The following PPP1R9A variants were observed in gnomAD, a reference collection of about 807,000 sequenced individuals.
The protein encoded by PPP1R9A is neurabin-1.
A neutral mutation model predicts 141.9 loss-of-function variants in PPP1R9A; 59 were observed. The ratio of observed to expected loss-of-function variants is 0.42; its 90% confidence interval spans 0.34 to 0.52. The LOEUF is 0.52. Ranked by LOEUF, PPP1R9A falls within the 20% of genes least tolerant of loss-of-function variation. PPP1R9A has a pLI of 0.10. For missense variants in PPP1R9A, 1,444 were observed against 1,611.9 expected (o/e 0.90, Z 1.78); for synonymous variants, 500 against 569.7 (o/e 0.88, Z 1.74).
At chr7:95,107,459 C>G (rs1466247919) in intron 2 of PPP1R9A, among the ~76,000 whole-genome samples, 2 of 151,958 alleles carry the variant, frequency 1.3e-5, no homozygotes, top group African/African-American at 4.8e-5. Flanking sequence ...TTCTTTCTAA[C>G]CTGTTAGCTA....
At position 95,250,087 on chromosome 7, in the gene PPP1R9A, A is replaced by G. The variant is rs752473721; in HGVS notation, c.2228A>G (p.Asn743Ser). ...WELEKTQLQQ[N>S]IEENKERMLK... is the part of the protein sequence containing the mutation. ...CTAGAAAAAACCCAACTCCAACAAA[A>G]CATAGAAGAGAATAAGGAAAGAATG... is the stretch of plus-strand genomic sequence containing the variant. The change falls in exon 10 of 20, where the codon AAC becomes AGC. Residue 743 changes from asparagine (N) to serine (S), a missense_variant. By Grantham distance (46) the Asn-to-Ser change is conservative. Coordinates refer to ENST00000433360, the MANE Select transcript of PPP1R9A (RefSeq NM_001166160.2). 3.7e-6 allele frequency: 6 copies of G among 1,613,586 alleles called. No individual in the cohort carries two copies. Among genetic ancestry groups the G allele is most frequent in the Non-Finnish European group, 4.2e-6 (5 of 1,179,842 alleles).
chr7:95,286,344 G>C lies in PPP1R9A; in HGVS notation c.3729+19G>C. 6.2e-7 allele frequency: 1 copy of C among 1,610,826 alleles called. No homozygotes were observed. Among genetic ancestry groups the C allele is most frequent in the Non-Finnish European group, 8.5e-7 (1 of 1,178,586 alleles). On this transcript the variant is annotated intron_variant, in intron 18 of 19. Coordinates refer to ENST00000433360, the MANE Select transcript of PPP1R9A (RefSeq NM_001166160.2). ...AGATGAGGTAATTCCATGGCACTAT[G>C]ACAGAGCTGCTTTGTCAAATCTGAC...
Position 94,911,288 on chromosome 7 carries a change from G to A in PPP1R9A, c.1175G>A (p.Gly392Asp). 6.2e-7 allele frequency: 1 copy of A among 1,614,116 alleles called. No individual in the cohort carries two copies. The highest frequency in any genetic ancestry group is 1.7e-5 in the Admixed American group (1 of 60,022). The change falls in exon 2 of 20, where the codon GGT becomes GAT. Residue 392 changes from glycine (G) to aspartate (D), a missense_variant. Physicochemically the swap from Gly to Asp is moderately conservative, Grantham distance 94 (BLOSUM62 -1). This residue lies in a region of PPP1R9A where 490 missense variants were observed against 521.1 expected (regional missense o/e 0.94). Coordinates refer to ENST00000433360, the MANE Select transcript of PPP1R9A (RefSeq NM_001166160.2). ...CCTGAAGATTCAAATAATTTTGATG[G>A]TTCCCATGTGTACATGCACAGTGAC... Reference protein sequence around the residue: ...EVPEDSNNFDGSHVYMHSDYN... With the variant: ...EVPEDSNNFDDSHVYMHSDYN...
intron 16 of PPP1R9A, among the ~76,000 whole-genome samples, chr7:95,274,556 T>C (rs1425228776): frequency 6.6e-6 from 1 of 152,218 alleles, no homozygotes; most frequent in Non-Finnish European, 1.5e-5. Flanking sequence ...TCATTTTGCA[T>C]TTAAGTACCT....
intron 4 of PPP1R9A, among the ~76,000 whole-genome samples, chr7:95,136,970 G>A (rs114619452): frequency 0.01 from 1,588 of 152,204 alleles, 25 homozygotes; most frequent in African/African-American, 0.037. Context: ...AGCTTGGATA[G>A]GCAGGTGACT....
At chr7:94,949,250 G>A (rs1414470286) in intron 2 of PPP1R9A, among the ~76,000 whole-genome samples, 1 of 152,104 alleles carries the variant, frequency 6.6e-6, no homozygotes, top group Non-Finnish European at 1.5e-5. Flanking sequence ...GAGTTGAAAT[G>A]TCAGTTTTCT....
intron 2 of PPP1R9A, among the ~76,000 whole-genome samples, chr7:94,935,115 C>T (rs936210569): frequency 4.6e-5 from 7 of 152,226 alleles, no homozygotes; most frequent in African/African-American, 1.2e-4. Context: ...TTAAGACATA[C>T]GAATTTTATG....
chr7:95,072,828 TA>T (rs1448774940), intron 2 of PPP1R9A, among the ~76,000 whole-genome samples: 13 of 62,982 alleles, frequency 2.1e-4, no homozygotes, highest in African/African-American at 1.1e-3. Context: ...AATTATTATA[TA>T]TATAATAATT....
rs1027672414 is a variant in PPP1R9A, at chr7:95,186,505, A to G, written c.1755-11844A>G. On this transcript the variant is annotated intron_variant, in intron 5 of 19. Transcript: ENST00000433360. ...CTCTTTACCAATTTGGATACCCTTT[A>G]TTTATTTCTTTTGTCTGATTGCTAT... is the stretch of plus-strand genomic sequence containing the variant. Among the ~76,000 whole-genome samples, 6 of 152,058 alleles carry G rather than the reference A, an allele frequency of 3.9e-5. No individual in the cohort carries two copies. The East Asian group carries it at 1.2e-3, about 29-fold the overall frequency.
intron 2 of PPP1R9A, among the ~76,000 whole-genome samples, chr7:94,965,087 T>C (rs1330150437): frequency 6.7e-6 from 1 of 150,158 alleles, no homozygotes; most frequent in African/African-American, 2.4e-5. Flanking sequence ...GATGATGAGC[T>C]TATGTTTGTT....
chr7:95,158,849 A>C (rs1289552895), intron 4 of PPP1R9A, among the ~76,000 whole-genome samples: 3 of 152,224 alleles, frequency 2.0e-5, no homozygotes. Flanking sequence ...AAAAATGTTT[A>C]CCCGCACTAG....
chr7:95,203,526 A>C, intron 6 of PPP1R9A, 139 bp from the exon 7 acceptor site: 1 of 534,420 alleles, frequency 1.9e-6, no homozygotes, highest in South Asian at 3.3e-5. Context: ...TTTTTTACCA[A>C]CATGCCGCAA....
At chr7:95,097,500 A>T (rs1468388569) in intron 2 of PPP1R9A, among the ~76,000 whole-genome samples, 1 of 152,136 alleles carries the variant, frequency 6.6e-6, no homozygotes, top group Admixed American at 6.5e-5. Context: ...TCCTGCTTTG[A>T]CTTTTTCACT....
intron 2 of PPP1R9A, among the ~76,000 whole-genome samples, chr7:95,091,840 T>C (rs1247514660): frequency 4.8e-5 from 7 of 145,840 alleles, no homozygotes; most frequent in East Asian, 1.9e-4. Flanking sequence ...TTTTTTTTTT[T>C]CAAACTAAAG....
At chr7:95,011,512 G>C (rs1220189108) in intron 2 of PPP1R9A, among the ~76,000 whole-genome samples, 2 of 152,120 alleles carry the variant, frequency 1.3e-5, no homozygotes. Flanking sequence ...TTCTCTGTAA[G>C]TGATTCCTTT....
chr7:95,232,408 C>T (rs1188835669), intron 8 of PPP1R9A, among the ~76,000 whole-genome samples: 1 of 152,084 alleles, frequency 6.6e-6, no homozygotes, highest in Non-Finnish European at 1.5e-5. Context: ...ACATCTAAAA[C>T]CATAAAAACC....
At chr7:95,252,421 A>G (rs1799003209) in intron 12 of PPP1R9A, among the ~76,000 whole-genome samples, 1 of 150,154 alleles carries the variant, frequency 6.7e-6, no homozygotes, top group South Asian at 2.1e-4. Context: ...AGTTCATCCT[A>G]TCTAGGATGA....
At chr7:94,931,727 C>A (rs1013776917) in intron 2 of PPP1R9A, among the ~76,000 whole-genome samples, 3 of 152,074 alleles carry the variant, frequency 2.0e-5, no homozygotes, top group Non-Finnish European at 4.4e-5. Flanking sequence ...TATAAGCATG[C>A]GCCACTACAT....
intron 8 of PPP1R9A, among the ~76,000 whole-genome samples, chr7:95,242,953 C>A (rs1379400291): frequency 6.6e-6 from 1 of 152,064 alleles, no homozygotes; most frequent in Non-Finnish European, 1.5e-5. Flanking sequence ...AACTCTTGGA[C>A]CTGTACTTTG....
Sources: gnomAD v4.1 joint callset for allele counts (sites outside exome capture counted in the v4.1 genomes callset) on GRCh38, gnomAD v4.1.1 for gene constraint, gnomAD v4.1.1 regional missense constraint, MANE v1.5 for transcripts, NCBI Gene and HGNC (gene_info 2026-07-23, HGNC 2026-07-21) for gene names.